The following EFNA5 variants were observed in gnomAD, a reference collection of about 807,000 sequenced individuals.
EFNA5 encodes ephrin-A5.
A neutral mutation model predicts 22.9 loss-of-function variants in EFNA5; 5 were observed. The observed-to-expected ratio is 0.22, with a 90% confidence interval of 0.11 to 0.46. The LOEUF (loss-of-function observed/expected upper bound fraction) is 0.46. EFNA5 is among the 20% of genes least tolerant of loss of function. The pLI is 0.99. For synonymous variants in EFNA5, 113 were observed against 112.2 expected (o/e 1.01, Z -0.04); for missense variants, 237 against 293.3 (o/e 0.81, Z 1.40).
intron 1 of EFNA5, among the ~76,000 whole-genome samples, chr5:107,505,535 G>A (rs1010418148): frequency 6.6e-6 from 1 of 152,052 alleles, no homozygotes; most frequent in African/African-American, 2.4e-5. Context: ...TATGAATCTG[G>A]CACATATCAC....
intron 1 of EFNA5, among the ~76,000 whole-genome samples, chr5:107,644,018 T>C (rs1241855102): frequency 1.3e-5 from 2 of 152,168 alleles, no homozygotes; most frequent in Non-Finnish European, 2.9e-5. Context: ...AAATGTTTTT[T>C]TCATGGAAAA....
At chr5:107,400,373 C>G (rs1554056704) in intron 2 of EFNA5, among the ~76,000 whole-genome samples, 1 of 151,482 alleles carries the variant, frequency 6.6e-6, no homozygotes, top group Non-Finnish European at 1.5e-5. Context: ...TTCTGTGTAT[C>G]AAAAACTCAT....
At chr5:107,431,110 C>T (rs1748945615) in intron 1 of EFNA5, among the ~76,000 whole-genome samples, 1 of 152,044 alleles carries the variant, frequency 6.6e-6, no homozygotes, top group African/African-American at 2.4e-5. Flanking sequence ...AGCCATACGA[C>T]GAAGAAAAGA....
chr5:107,443,029 T>C (rs900463285), intron 1 of EFNA5, among the ~76,000 whole-genome samples: 1 of 151,104 alleles, frequency 6.6e-6, no homozygotes, highest in African/African-American at 2.4e-5. Context: ...TGGAAGAAGA[T>C]ATCCAAATTT....
In EFNA5 at chr5:107,471,009, C is replaced by G. The variant is rs918679909; in HGVS notation, c.126-43500G>C. ...GATCTCTCAGAACCCATTTTAATAC[C>G]GCAGGCTCATGCAATACTATTGTCA... On this transcript the variant is annotated intron_variant, in intron 1 of 4. Coordinates refer to ENST00000333274, the MANE Select transcript of EFNA5 (RefSeq NM_001962.3). Among the ~76,000 whole-genome samples the G allele has an allele frequency of 2.0e-5, 3 of 152,022 alleles. 1 individual carries two copies. Among genetic ancestry groups the G allele is most frequent in the South Asian group, 4.2e-4 (2 of 4,806 alleles).
At chr5:107,485,981 T>C (rs954190178) in intron 1 of EFNA5, among the ~76,000 whole-genome samples, 10 of 152,206 alleles carry the variant, frequency 6.6e-5, no homozygotes, top group African/African-American at 2.4e-4. Flanking sequence ...CCTTAAACTT[T>C]CAGGTTCACC....
At chr5:107,428,275 C>T (rs1259543893) in intron 1 of EFNA5, among the ~76,000 whole-genome samples, 1 of 152,152 alleles carries the variant, frequency 6.6e-6, no homozygotes, top group Non-Finnish European at 1.5e-5. Flanking sequence ...TCAAATGGCT[C>T]TTCCCCTCAT....
intron 1 of EFNA5, among the ~76,000 whole-genome samples, chr5:107,455,757 A>C (rs1749683744): frequency 6.6e-6 from 1 of 152,172 alleles, no homozygotes; most frequent in African/African-American, 2.4e-5. Context: ...CTTTGCTCTT[A>C]AAGTTTATTG....
intron 1 of EFNA5, among the ~76,000 whole-genome samples, chr5:107,610,788 G>A (rs1749808633): frequency 6.6e-6 from 1 of 152,018 alleles, no homozygotes; most frequent in Non-Finnish European, 1.5e-5. Context: ...CCTTCTCCCT[G>A]GCACTTTTTC....
At chr5:107,463,778 T>C (rs373203838) in intron 1 of EFNA5, among the ~76,000 whole-genome samples, 26 of 152,310 alleles carry the variant, frequency 1.7e-4, no homozygotes, top group Middle Eastern at 3.4e-3. Flanking sequence ...TATTTTTCCA[T>C]ATGCTTCCAT....
At chr5:107,614,902 A>G (rs1193213737) in intron 1 of EFNA5, among the ~76,000 whole-genome samples, 1 of 152,174 alleles carries the variant, frequency 6.6e-6, no homozygotes, top group African/African-American at 2.4e-5. Flanking sequence ...AAAATATGCC[A>G]TATGTTTAGA....
chr5:107,510,523 C>T (rs1384328952), intron 1 of EFNA5, among the ~76,000 whole-genome samples: 1 of 152,178 alleles, frequency 6.6e-6, no homozygotes, highest in Non-Finnish European at 1.5e-5. Context: ...TTGCGAGATC[C>T]AAGAACCCTC....
At chr5:107,640,670 C>T (rs1286919947) in intron 1 of EFNA5, among the ~76,000 whole-genome samples, 1 of 152,204 alleles carries the variant, frequency 6.6e-6, no homozygotes, top group Non-Finnish European at 1.5e-5. Flanking sequence ...AGGCAGCCAG[C>T]CCTGTCAATT....
At chr5:107,446,954 T>C (rs1749415253) in intron 1 of EFNA5, among the ~76,000 whole-genome samples, 1 of 152,160 alleles carries the variant, frequency 6.6e-6, no homozygotes, top group South Asian at 2.1e-4. Context: ...TAAACAAAAC[T>C]GCCTTCCCAA....
intron 1 of EFNA5, among the ~76,000 whole-genome samples, chr5:107,584,356 T>G (rs1271223362): frequency 6.6e-6 from 1 of 152,202 alleles, no homozygotes; most frequent in African/African-American, 2.4e-5. Flanking sequence ...TCACTGAAGA[T>G]GAACCCCATT....
intron 2 of EFNA5, among the ~76,000 whole-genome samples, chr5:107,405,686 T>C (rs1176503682): frequency 6.6e-6 from 1 of 152,122 alleles, no homozygotes; most frequent in Non-Finnish European, 1.5e-5. Context: ...AGAGTGATCC[T>C]GGTGGAAACT....
rs1751174200 is a variant in EFNA5, at chr5:107,670,639, CGA to C, written c.-28_-27del. 1 of 1,595,008 alleles carries C rather than the reference CGA, an allele frequency of 6.3e-7. No individual in the cohort carries two copies. The highest frequency in any genetic ancestry group is 1.3e-5 in the African/African-American group (1 of 74,090). On this transcript the variant is annotated 5_prime_UTR_variant, in exon 1 of 5. Coordinates refer to ENST00000333274, the MANE Select transcript of EFNA5 (RefSeq NM_001962.3). ...CACGCCTGGCCAGCGGCGGAGCCCC[CGA>C]CGCGCCACTCCGGGGAGAGAGCGGG...
At chr5:107,435,461 C>T (rs1749087239) in intron 1 of EFNA5, among the ~76,000 whole-genome samples, 1 of 151,934 alleles carries the variant, frequency 6.6e-6, no homozygotes. Context: ...TCTCTTCTCT[C>T]TCATGGACTG....
intron 1 of EFNA5, among the ~76,000 whole-genome samples, chr5:107,454,334 G>A (rs1474180634): frequency 5.3e-5 from 8 of 151,910 alleles, no homozygotes; most frequent in Non-Finnish European, 8.8e-5. Flanking sequence ...TCATCAATAT[G>A]TTAATGAAAA....
Sources: allele counts gnomAD v4.1 joint callset (sites outside exome capture counted in the v4.1 genomes callset), GRCh38; gene constraint gnomAD v4.1.1; transcripts MANE v1.5; gene names NCBI Gene and HGNC (gene_info 2026-07-23, HGNC 2026-07-21).